The following ROBO2 variants were observed in gnomAD, a reference collection of about 807,000 sequenced individuals.
The protein encoded by ROBO2 is roundabout homolog 2.
Under a neutral mutation model 160.8 loss-of-function variants are expected in ROBO2, and 53 were observed. The ratio of observed to expected loss-of-function variants is 0.33; its 90% confidence interval spans 0.26 to 0.41. ROBO2 has a LOEUF of 0.41. ROBO2 is among the 10% of genes least tolerant of loss of function. ROBO2 has a pLI of 1.00. For synonymous variants in ROBO2, 664 were observed against 611.7 expected, an observed-to-expected ratio of 1.09 and a Z score of -1.26; for missense variants, 1,577 against 1,722.4, an observed-to-expected ratio of 0.92 and a Z score of 1.49.
At chr3:76,625,323 A>T (rs2089555819) in intron 2 of ROBO2, among the ~76,000 whole-genome samples, 1 of 152,170 alleles carries the variant, frequency 6.6e-6, no homozygotes, top group Non-Finnish European at 1.5e-5. Flanking sequence ...ATTGTAAAAC[A>T]TATAACTAAA....
intron 2 of ROBO2, among the ~76,000 whole-genome samples, chr3:76,120,445 T>TG (rs1373507049): frequency 6.6e-6 from 1 of 152,230 alleles, no homozygotes; most frequent in African/African-American, 2.4e-5. Context: ...ATTAGGCACA[T>TG]GACTGTTCTT....
In ROBO2 at chr3:77,509,718, C is replaced by T. The variant is rs1005772502; in HGVS notation, c.807-13057C>T. ...TTTTGTCATGAGCAATATTTGATGC[C>T]GATGAGAGACTATAACCTTCCCCTT... On this transcript the variant is annotated intron_variant, in intron 5 of 25. Coordinates refer to ENST00000461745, the Ensembl canonical transcript of ROBO2. Among the ~76,000 whole-genome samples the T allele has an allele frequency of 5.9e-5, 9 of 152,056 alleles. 2 individuals carry two copies. The South Asian group carries it at 1.0e-3, about 18-fold the overall frequency.
chr3:76,485,637 C>T (rs2079452046), intron 2 of ROBO2, among the ~76,000 whole-genome samples: 1 of 152,110 alleles, frequency 6.6e-6, no homozygotes, highest in Non-Finnish European at 1.5e-5. Flanking sequence ...CTGTTTTTTT[C>T]AGAGCAAAGG....
intron 2 of ROBO2, among the ~76,000 whole-genome samples, chr3:76,081,524 C>G (rs1398780220): frequency 1.3e-5 from 2 of 152,024 alleles, no homozygotes; most frequent in African/African-American, 4.8e-5. Flanking sequence ...TTTTTCAACA[C>G]CTGGCATAGA....
chr3:76,374,987 T>C (rs776173155), intron 2 of ROBO2, among the ~76,000 whole-genome samples: 31 of 151,564 alleles, frequency 2.0e-4, no homozygotes, highest in Non-Finnish European at 4.3e-4. Flanking sequence ...GCATAAAGTA[T>C]TATAAGAACC....
At chr3:77,446,511 T>C (rs2080531624) in intron 2 of ROBO2, among the ~76,000 whole-genome samples, 1 of 152,144 alleles carries the variant, frequency 6.6e-6, no homozygotes, top group Admixed American at 6.5e-5. Context: ...TATATCCATA[T>C]TGTTTTCATC....
chr3:77,184,545 AT>A (rs940334400), intron 2 of ROBO2, among the ~76,000 whole-genome samples: 2 of 152,036 alleles, frequency 1.3e-5, no homozygotes, highest in African/African-American at 4.8e-5. Flanking sequence ...TTGGTGATTG[AT>A]TTTAGCATGC....
chr3:76,603,292 A>G (rs2087309468), intron 2 of ROBO2, among the ~76,000 whole-genome samples: 1 of 139,006 alleles, frequency 7.2e-6, no homozygotes, highest in African/African-American at 2.7e-5. Context: ...AGATTGCGCC[A>G]CTGCACTCCA....
At chr3:77,438,223 A>T (rs989807928) in intron 2 of ROBO2, among the ~76,000 whole-genome samples, 2 of 151,672 alleles carry the variant, frequency 1.3e-5, no homozygotes, top group Non-Finnish European at 2.9e-5. Context: ...ATAGATAGAT[A>T]GATTGATTGA....
At chr3:76,624,575 G>T (rs1001827166) in intron 2 of ROBO2, among the ~76,000 whole-genome samples, 1 of 151,866 alleles carries the variant, frequency 6.6e-6, no homozygotes, top group Non-Finnish European at 1.5e-5. Context: ...GAGGCGGGCG[G>T]ATCGCCTGAG....
chr3:76,313,558 G>C (rs545091167), intron 2 of ROBO2, among the ~76,000 whole-genome samples: 2 of 152,128 alleles, frequency 1.3e-5, no homozygotes, highest in African/African-American at 4.8e-5. Context: ...AAACACTGTG[G>C]CCAGAGGCAA....
chr3:77,493,229 ATT>A lies in ROBO2; in HGVS notation c.668-6_668-5del. On this transcript the variant is annotated splice_polypyrimidine_tract_variant and intron_variant, in intron 4 of 25. Transcript: ENST00000461745. ...GTTTATCTCATTTTACCATTGTTTC[ATT>A]TTTTTTTTCAAGAACGACCCACATT... The A allele has an allele frequency of 6.7e-7, 1 of 1,488,202 alleles. No individual in the cohort carries two copies. The highest frequency in any genetic ancestry group is 9.2e-7 in the Non-Finnish European group (1 of 1,083,240). 92.2% of individuals were successfully genotyped at this position (1,488,202 alleles called of 1,614,324 possible). A position where few individuals can be genotyped will look rare whatever the true frequency, so the allele number is the denominator to read the frequency against.
chr3:76,297,770 A>G (rs1383790214), intron 2 of ROBO2, among the ~76,000 whole-genome samples: 1 of 151,908 alleles, frequency 6.6e-6, no homozygotes, highest in African/African-American at 2.4e-5. Flanking sequence ...TAATTCCCAA[A>G]GGAAACTTCT....
chr3:77,082,938 G>A lies in ROBO2; in HGVS notation c.62-15076G>A, dbSNP rs551681905. ...CTCACACCAAATGGAAAAAAAATCA[G>A]CCAGATTATATCAGTGCCTCCATCA... is the stretch of plus-strand genomic sequence containing the variant. On this transcript the variant is annotated intron_variant, in intron 1 of 25. Coordinates refer to ENST00000461745, the Ensembl canonical transcript of ROBO2. 9.9e-5 allele frequency among the ~76,000 whole-genome samples: 15 copies of A among 152,000 alleles called. No homozygotes were observed. In the East Asian group the frequency reaches 2.5e-3, roughly 26 times the overall value.
intron 2 of ROBO2, among the ~76,000 whole-genome samples, chr3:76,067,100 A>G (rs2068279012): frequency 6.6e-6 from 1 of 152,144 alleles, no homozygotes; most frequent in South Asian, 2.1e-4. Context: ...TAGCTGAGCA[A>G]AGTGGTTCAG....
intron 2 of ROBO2, chr3:77,317,474 GC>G: frequency 6.5e-7 from 1 of 1,530,116 alleles, no homozygotes; most frequent in Non-Finnish European, 8.9e-7. Context: ...TGTTGGCTGA[GC>G]CTGAGCTTGT....
intron 2 of ROBO2, among the ~76,000 whole-genome samples, chr3:77,245,863 G>C (rs1157376304): frequency 6.6e-6 from 1 of 152,176 alleles, no homozygotes; most frequent in Non-Finnish European, 1.5e-5. Flanking sequence ...GGCTGAGTTA[G>C]TCATAAAATT....
At chr3:76,784,415 G>A (rs971724011) in intron 2 of ROBO2, among the ~76,000 whole-genome samples, 1 of 151,096 alleles carries the variant, frequency 6.6e-6, no homozygotes, top group African/African-American at 2.4e-5. Context: ...CAGGCTTGGT[G>A]CTGAGAGCCT....
intron 2 of ROBO2, among the ~76,000 whole-genome samples, chr3:76,533,825 A>T (rs1000996584): frequency 6.6e-6 from 1 of 151,760 alleles, no homozygotes; most frequent in Non-Finnish European, 1.5e-5. Flanking sequence ...CCAGGAGAAG[A>T]ATGTCCCAGG....
Sources: gnomAD v4.1 joint callset for allele counts (sites outside exome capture counted in the v4.1 genomes callset) on GRCh38, gnomAD v4.1.1 for gene constraint, MANE v1.5 for transcripts, NCBI Gene and HGNC (gene_info 2026-07-23, HGNC 2026-07-21) for gene names.